The following AGMO variants were observed in gnomAD, a reference collection of about 807,000 sequenced individuals.
AGMO encodes glyceryl-ether monooxygenase.
In AGMO, 75 loss-of-function variants were observed where a neutral mutation model predicts 60.2. That is an observed-to-expected ratio of 1.25 (90% CI 1.03 to 1.51). AGMO has a LOEUF of 1.51. Ranked by LOEUF, AGMO falls within the 40% of genes most tolerant of loss-of-function variation. The pLI is 0.00. For synonymous variants in AGMO, 261 were observed against 177.1 expected, an observed-to-expected ratio of 1.47 and a Z score of -3.76; for missense variants, 763 against 525.5, an observed-to-expected ratio of 1.45 and a Z score of -4.42.
chr7:15,347,091 A>T (rs1363801426), intron 12 of AGMO, among the ~76,000 whole-genome samples: 1 of 152,052 alleles, frequency 6.6e-6, no homozygotes, highest in African/African-American at 2.4e-5. Flanking sequence ...ATCAAACTTT[A>T]AATGACTCTG....
chr7:15,432,211 T>C (rs1470717050), intron 3 of AGMO, among the ~76,000 whole-genome samples: 1 of 151,244 alleles, frequency 6.6e-6, no homozygotes, highest in African/African-American at 2.4e-5. Flanking sequence ...ACTGGAAATA[T>C]CAGGTTAATT....
intron 12 of AGMO, among the ~76,000 whole-genome samples, chr7:15,352,555 A>C (rs1782286134): frequency 6.6e-6 from 1 of 151,774 alleles, no homozygotes; most frequent in Admixed American, 6.6e-5. Context: ...TGCTTTTAAA[A>C]TCTCAGGCTT....
At chr7:15,303,153 A>G (rs947315245) in intron 12 of AGMO, among the ~76,000 whole-genome samples, 1 of 152,178 alleles carries the variant, frequency 6.6e-6, no homozygotes, top group African/African-American at 2.4e-5. Flanking sequence ...CCCACAGATG[A>G]TATTAAGATG....
chr7:15,399,752 T>C (rs553457239), intron 5 of AGMO, among the ~76,000 whole-genome samples: 1 of 152,182 alleles, frequency 6.6e-6, no homozygotes, highest in East Asian at 1.9e-4. Flanking sequence ...CATAAGACCG[T>C]CGTTATGTCA....
At chr7:15,404,884 T>G (rs961542040) in intron 5 of AGMO, among the ~76,000 whole-genome samples, 2 of 151,862 alleles carry the variant, frequency 1.3e-5, no homozygotes, top group African/African-American at 4.8e-5. Context: ...GAATCTACAT[T>G]TTAGCTTCCA....
intron 12 of AGMO, among the ~76,000 whole-genome samples, chr7:15,215,212 TAC>T (rs1262349641): frequency 6.6e-6 from 1 of 152,106 alleles, no homozygotes; most frequent in African/African-American, 2.4e-5. Context: ...TAGAGAAACT[TAC>T]ACAATCCTGA....
chr7:15,226,189 G>C (rs1782076031), intron 12 of AGMO, among the ~76,000 whole-genome samples: 1 of 151,902 alleles, frequency 6.6e-6, no homozygotes, highest in African/African-American at 2.4e-5. Context: ...GCAGAACTTT[G>C]AACTCTATGT....
intron 3 of AGMO, among the ~76,000 whole-genome samples, chr7:15,539,221 G>C (rs1784557001): frequency 6.6e-6 from 1 of 152,112 alleles, no homozygotes; most frequent in Non-Finnish European, 1.5e-5. Context: ...GAGATTTGGT[G>C]TACAGATAAT....
intron 12 of AGMO, among the ~76,000 whole-genome samples, chr7:15,202,646 GA>G (rs1337205839): frequency 6.6e-6 from 1 of 151,772 alleles, no homozygotes; most frequent in African/African-American, 2.4e-5. Flanking sequence ...CCCACAATAT[GA>G]AAAAATACTA....
At chr7:15,464,444 T>A (rs950164699) in intron 3 of AGMO, among the ~76,000 whole-genome samples, 2 of 152,182 alleles carry the variant, frequency 1.3e-5, no homozygotes, top group African/African-American at 4.8e-5. Context: ...AATAAAAAAA[T>A]TCCTCATAAA....
At chr7:15,346,630 T>A (rs183202097) in intron 12 of AGMO, among the ~76,000 whole-genome samples, 47 of 141,748 alleles carry the variant, frequency 3.3e-4, no homozygotes, top group African/African-American at 1.1e-3. Flanking sequence ...AAAAAAAAAA[T>A]ACCATAAAGA....
intron 12 of AGMO, among the ~76,000 whole-genome samples, chr7:15,250,918 C>A (rs1041092436): frequency 2.0e-5 from 3 of 151,232 alleles, no homozygotes; most frequent in Admixed American, 1.3e-4. Context: ...GCACTCCAGC[C>A]TAGGCAATAA....
At chr7:15,527,065 A>G (rs1198048496) in intron 3 of AGMO, among the ~76,000 whole-genome samples, 1 of 152,118 alleles carries the variant, frequency 6.6e-6, no homozygotes, top group African/African-American at 2.4e-5. Flanking sequence ...CAATATAGAA[A>G]TTAAGCCAAT....
At chr7:15,477,991 A>G (rs1372603489) in intron 3 of AGMO, among the ~76,000 whole-genome samples, 1 of 152,144 alleles carries the variant, frequency 6.6e-6, no homozygotes, top group Admixed American at 6.6e-5. Context: ...CTAAGTATGA[A>G]CAGGTAGAAC....
At chr7:15,465,569 G>A (rs780810131) in intron 3 of AGMO, among the ~76,000 whole-genome samples, 26 of 147,934 alleles carry the variant, frequency 1.8e-4, no homozygotes, top group Admixed American at 1.4e-3. Flanking sequence ...CCACAGGCAC[G>A]TGCTACCACG....
At chr7:15,184,121 G>C in the AGMO span, among the ~76,000 whole-genome samples, 9 of 152,006 alleles carry the variant, frequency 5.9e-5, no homozygotes, top group Admixed American at 3.3e-4. Flanking sequence ...TATATCAAAA[G>C]TCTCAATGTA....
chr7:15,317,454 A>T (rs527396093), intron 12 of AGMO, among the ~76,000 whole-genome samples: 1 of 152,266 alleles, frequency 6.6e-6, no homozygotes, highest in South Asian at 2.1e-4. Flanking sequence ...TGCTTTATTA[A>T]ATCAGGAGTG....
At chr7:15,178,112 T>C in the AGMO span, among the ~76,000 whole-genome samples, 1 of 152,178 alleles carries the variant, frequency 6.6e-6, no homozygotes, top group Non-Finnish European at 1.5e-5. Flanking sequence ...TCCTGGGACA[T>C]CCTGGTACTG....
chr7:15,389,256 A>G (rs1784043928), intron 8 of AGMO, among the ~76,000 whole-genome samples: 1 of 152,126 alleles, frequency 6.6e-6, no homozygotes, highest in African/African-American at 2.4e-5. Flanking sequence ...TCTGATTCAC[A>G]TGAACATTAA....
Sources: allele counts gnomAD v4.1 joint callset (sites outside exome capture counted in the v4.1 genomes callset), GRCh38; gene constraint gnomAD v4.1.1; transcripts MANE v1.5; gene names NCBI Gene and HGNC (gene_info 2026-07-23, HGNC 2026-07-21).